Variants in ZMAT4 observed in about 807,000 individuals in gnomAD.
The protein encoded by ZMAT4 is zinc finger matrin-type 4.
ZMAT4 carries 17 observed loss-of-function variants against 28.7 expected under a neutral mutation model. The ratio of observed to expected loss-of-function variants is 0.59; its 90% CI spans 0.41 to 0.89. The LOEUF (loss-of-function observed/expected upper bound fraction) is 0.89, where lower values mean the gene tolerates loss of function less well. Ranked by LOEUF, ZMAT4 falls within the 40% of genes least tolerant of loss-of-function variation. ZMAT4 has a pLI of 0.00. For missense variants in ZMAT4, 240 were observed against 283.8 expected, an observed-to-expected ratio of 0.85 and a Z score of 1.11; for synonymous variants, 117 against 109.2, an observed-to-expected ratio of 1.07 and a Z score of -0.44.
chr8:40,816,349 C>T (rs1815538195), intron 2 of ZMAT4, among the ~76,000 whole-genome samples: 1 of 152,112 alleles, frequency 6.6e-6, no homozygotes, highest in Non-Finnish European at 1.5e-5. Flanking sequence ...GCCCAAAATC[C>T]CCCTCCACTA....
intron 5 of ZMAT4, among the ~76,000 whole-genome samples, chr8:40,661,051 A>G (rs1001720342): frequency 6.6e-6 from 1 of 152,178 alleles, no homozygotes; most frequent in Non-Finnish European, 1.5e-5. Context: ...ATTACTCAAA[A>G]TGAGACAGTA....
intron 2 of ZMAT4, among the ~76,000 whole-genome samples, chr8:40,796,699 C>G (rs1409551750): frequency 6.6e-6 from 1 of 152,328 alleles, no homozygotes; most frequent in Admixed American, 6.5e-5. Flanking sequence ...GGTGAAGGTG[C>G]CTGGAATTGC....
At chr8:40,884,251 G>T (rs1430707108) in intron 1 of ZMAT4, among the ~76,000 whole-genome samples, 3 of 151,520 alleles carry the variant, frequency 2.0e-5, no homozygotes, top group Non-Finnish European at 4.4e-5. Context: ...TGTCCAAGAG[G>T]CCAGGCCTCA....
intron 5 of ZMAT4, among the ~76,000 whole-genome samples, chr8:40,658,053 A>G (rs1007397003): frequency 4.6e-5 from 7 of 151,376 alleles, no homozygotes; most frequent in Non-Finnish European, 8.8e-5. Context: ...CATGTTATAA[A>G]CTCCATGTAT....
At chr8:40,825,538 C>A in intron 2 of ZMAT4, 37 bp downstream of exon 2, 1 of 1,532,600 alleles carries the variant, frequency 6.5e-7, no homozygotes, top group Non-Finnish European at 8.8e-7. Flanking sequence ...CTGCTCCCTC[C>A]TACATTTGCA....
rs565812359 is a variant in ZMAT4 at position 40,565,617 on chromosome 8, A to G, written c.674+15548T>C. ...GGTCTCGAACTCCTGTCTTCAGGTG[A>G]TCTACACTCCTCGGCCTACCAAAGT... is the stretch of plus-strand genomic sequence containing the variant. On this transcript the variant is annotated intron_variant, in intron 6 of 6. Coordinates refer to ENST00000297737, the MANE Select transcript of ZMAT4 (RefSeq NM_024645.3). Among the ~76,000 whole-genome samples, 4 of 151,960 alleles carry G rather than the reference A, an allele frequency of 2.6e-5. No individual in the cohort carries two copies. The East Asian group carries it at 7.8e-4, about 30-fold the overall frequency.
intron 5 of ZMAT4, among the ~76,000 whole-genome samples, chr8:40,613,731 C>T (rs541122849): frequency 1.8e-3 from 280 of 152,218 alleles, no homozygotes; most frequent in African/African-American, 6.4e-3. Flanking sequence ...CCTGAAAGTG[C>T]CAGGCCAGGC....
chr8:40,653,626 T>C (rs1807784727), intron 5 of ZMAT4, among the ~76,000 whole-genome samples: 1 of 152,112 alleles, frequency 6.6e-6, no homozygotes, highest in African/African-American at 2.4e-5. Flanking sequence ...TGTTAGTTAA[T>C]ACTATGGAAA....
chr8:40,565,715 G>C, intron 6 of ZMAT4, among the ~76,000 whole-genome samples: 1 of 150,306 alleles, frequency 6.7e-6, no homozygotes, highest in East Asian at 2.0e-4. Flanking sequence ...ATCCCTCCTA[G>C]ATCCTAAGCC....
intron 1 of ZMAT4, among the ~76,000 whole-genome samples, chr8:40,889,236 A>C (rs1458838313): frequency 1.3e-5 from 2 of 152,208 alleles, no homozygotes; most frequent in Non-Finnish European, 2.9e-5. Context: ...GATCTTGCAC[A>C]CTTCACACCT....
Position 40,746,254 on chromosome 8 carries a change from TCCCTCCCTC to T in ZMAT4, c.192+21378_192+21386del, listed in dbSNP as rs1563454053. On this transcript the variant is annotated intron_variant, in intron 3 of 6. Coordinates refer to ENST00000297737, the MANE Select transcript of ZMAT4 (RefSeq NM_024645.3). ...CTCCCTCCCTCCCTCCCTCCCTCCC[TCCCTCCCTC>T]CCTTCCTTCCTTTCTTTCTTTCTTT... is the stretch of plus-strand genomic sequence containing the variant. Among the ~76,000 whole-genome samples, 10 of 85,172 alleles carry T rather than the reference TCCCTCCCTC, an allele frequency of 1.2e-4. No homozygotes were observed. In the East Asian group the frequency reaches 1.7e-3, roughly 14 times the overall value. The allele number at this position is 85,172 out of a possible 152,430, so 55.9% of individuals were successfully genotyped here.
At chr8:40,850,911 A>T (rs936606355) in intron 1 of ZMAT4, among the ~76,000 whole-genome samples, 2 of 152,264 alleles carry the variant, frequency 1.3e-5, no homozygotes, top group Non-Finnish European at 2.9e-5. Context: ...TATGTGCGGC[A>T]TATCTATCAT....
intron 5 of ZMAT4, among the ~76,000 whole-genome samples, chr8:40,642,777 T>C (rs1308158731): frequency 3.9e-5 from 6 of 152,366 alleles, no homozygotes; most frequent in Admixed American, 3.9e-4. Flanking sequence ...GGAGGAGCAC[T>C]GCCGTGCATA....
At chr8:40,557,313 T>G (rs1334871435) in intron 6 of ZMAT4, among the ~76,000 whole-genome samples, 1 of 152,150 alleles carries the variant, frequency 6.6e-6, no homozygotes, top group Admixed American at 6.5e-5. Flanking sequence ...ATATAATAGT[T>G]AATTTAAAAT....
At chr8:40,552,556 G>A (rs1419469147) in intron 6 of ZMAT4, among the ~76,000 whole-genome samples, 2 of 152,132 alleles carry the variant, frequency 1.3e-5, no homozygotes, top group Non-Finnish European at 2.9e-5. Flanking sequence ...CTTGTGCCAG[G>A]CATTGTGTTC....
At chr8:40,836,769 G>A (rs925813158) in intron 1 of ZMAT4, among the ~76,000 whole-genome samples, 1 of 152,208 alleles carries the variant, frequency 6.6e-6, no homozygotes. Context: ...AGGTTGGGGA[G>A]ACAGAAGGGA....
chr8:40,670,060 A>C lies in ZMAT4; in HGVS notation c.577+4644T>G, dbSNP rs114265651. Among the ~76,000 whole-genome samples the C allele has an allele frequency of 5.4e-3, 829 of 152,330 alleles. 5 individuals are homozygous for C. The highest frequency in any genetic ancestry group is 0.019 in the African/African-American group (787 of 41,574). ...TTATGCAAGATTGATTCTAAAATTT[A>C]TATAGACATTTAAAGGATTTAGAAC... On this transcript the variant is annotated intron_variant, in intron 5 of 6. Transcript: ENST00000297737.
At chr8:40,691,121 C>T (rs1329662475) in intron 4 of ZMAT4, among the ~76,000 whole-genome samples, 1 of 152,110 alleles carries the variant, frequency 6.6e-6, no homozygotes, top group African/African-American at 2.4e-5. Flanking sequence ...CTTGTGGTTA[C>T]AAGGTTTTGA....
intron 3 of ZMAT4, among the ~76,000 whole-genome samples, chr8:40,724,983 C>T (rs12544617): frequency 0.27 from 41,573 of 152,010 alleles, 6,567 homozygotes; most frequent in East Asian, 0.56. Context: ...TCTTGTTTAA[C>T]CTGTCTATAT....
Sources: gnomAD v4.1 joint callset for allele counts (sites outside exome capture counted in the v4.1 genomes callset) on GRCh38, gnomAD v4.1.1 for gene constraint, MANE v1.5 for transcripts, NCBI Gene and HGNC (gene_info 2026-07-23, HGNC 2026-07-21) for gene names.